Variants in BBS9 observed in about 807,000 individuals in gnomAD.
BBS9 encodes protein PTHB1.
In BBS9, 89 loss-of-function variants were observed where a neutral mutation model predicts 117.7. The ratio of observed to expected loss-of-function variants is 0.76; its 90% CI spans 0.64 to 0.90. The LOEUF (loss-of-function observed/expected upper bound fraction) is 0.90, where lower values mean the gene tolerates loss of function less well. Ranked by LOEUF, BBS9 falls within the 40% of genes least tolerant of loss-of-function variation. The pLI, the probability that BBS9 is intolerant of heterozygous loss-of-function variation, is 0.00. For synonymous variants in BBS9, 379 were observed against 370.9 expected (o/e 1.02, Z -0.25); for missense variants, 982 against 1,042.2 (o/e 0.94, Z 0.80).
chr7:33,450,877 G>GTTTTTTT (rs1231078990), intron 19 of BBS9, among the ~76,000 whole-genome samples: 4 of 126,788 alleles, frequency 3.2e-5, no homozygotes, highest in Non-Finnish European at 5.0e-5. Flanking sequence ...TTTTTTTTTT[G>GTTTTTTT]TTTTTTTGTT....
intron 15 of BBS9, 70 bp from the exon 16 acceptor site, chr7:33,357,785 A>G (rs765175256): frequency 3.0e-5 from 44 of 1,486,894 alleles, no homozygotes; most frequent in African/African-American, 4.2e-5. Flanking sequence ...TCAAACTATT[A>G]GTAGTACAAT....
chr7:33,447,051 G>A (rs1360062794), intron 19 of BBS9, among the ~76,000 whole-genome samples: 1 of 152,176 alleles, frequency 6.6e-6, no homozygotes, highest in Non-Finnish European at 1.5e-5. Flanking sequence ...ATTATTGAAG[G>A]ATCAGGCCTT....
At chr7:33,562,180 A>T (rs905482056) in intron 21 of BBS9, among the ~76,000 whole-genome samples, 1 of 152,220 alleles carries the variant, frequency 6.6e-6, no homozygotes, top group Non-Finnish European at 1.5e-5. Flanking sequence ...TCAAAGAAAG[A>T]CTAGTTGACC....
At chr7:33,362,985 T>C (rs1403309164) in intron 16 of BBS9, among the ~76,000 whole-genome samples, 4 of 152,186 alleles carry the variant, frequency 2.6e-5, no homozygotes, top group African/African-American at 7.2e-5. Flanking sequence ...GGGTTGGTAG[T>C]TTTTCATGTA....
chr7:33,259,954 CCTT>C (rs1272066427), intron 6 of BBS9, among the ~76,000 whole-genome samples: 1 of 150,826 alleles, frequency 6.6e-6, no homozygotes, highest in African/African-American at 2.4e-5. Context: ...TAAAACACCT[CCTT>C]AAGCCAGAAT....
chr7:33,344,524 C>A (rs375838895), intron 11 of BBS9, 57 bp from the exon 12 acceptor site: 126 of 1,449,832 alleles, frequency 8.7e-5, no homozygotes, highest in Non-Finnish European at 1.1e-4. Flanking sequence ...TGTGTTCACT[C>A]ACTGCTGTGT....
intron 4 of BBS9, among the ~76,000 whole-genome samples, chr7:33,171,251 C>T (rs1583454113): frequency 1.3e-5 from 2 of 152,060 alleles, no homozygotes; most frequent in Non-Finnish European, 2.9e-5. Flanking sequence ...GGTACCAAAA[C>T]AGAGATATAG....
chr7:33,237,481 T>A (rs1793728002), intron 5 of BBS9, among the ~76,000 whole-genome samples: 1 of 152,224 alleles, frequency 6.6e-6, no homozygotes, highest in African/African-American at 2.4e-5. Context: ...TGGGTGTGTA[T>A]CCTCTTGATC....
intron 19 of BBS9, among the ~76,000 whole-genome samples, chr7:33,425,995 T>G (rs1347387237): frequency 2.0e-5 from 3 of 152,218 alleles, no homozygotes; most frequent in Non-Finnish European, 4.4e-5. Flanking sequence ...TGACTTTAGG[T>G]AACATTTATC....
intron 9 of BBS9, among the ~76,000 whole-genome samples, chr7:33,331,101 A>T (rs946628909): frequency 6.6e-6 from 1 of 152,242 alleles, no homozygotes; most frequent in Non-Finnish European, 1.5e-5. Flanking sequence ...CCAGGGATGC[A>T]GGGATGATTT....
intron 21 of BBS9, among the ~76,000 whole-genome samples, chr7:33,566,758 TAA>T (rs1027936133): frequency 1.3e-5 from 2 of 152,156 alleles, no homozygotes; most frequent in Non-Finnish European, 2.9e-5. Flanking sequence ...GTTATTAATA[TAA>T]AGACAAAACT....
At chr7:33,351,405 C>T (rs763555721) in intron 14 of BBS9, 82 bp downstream of exon 14, 5 of 901,452 alleles carry the variant, frequency 5.5e-6, no homozygotes, top group Non-Finnish European at 1.9e-6. Context: ...AGAAAACATA[C>T]TGTGAAATAT....
At chr7:33,160,090 G>T (rs1794628169) in intron 4 of BBS9, among the ~76,000 whole-genome samples, 1 of 152,174 alleles carries the variant, frequency 6.6e-6, no homozygotes, top group Non-Finnish European at 1.5e-5. Context: ...GTAATCTAGA[G>T]CAGTTCTATT....
At chr7:33,476,606 G>T (rs1841836820) in intron 19 of BBS9, among the ~76,000 whole-genome samples, 1 of 152,072 alleles carries the variant, frequency 6.6e-6, no homozygotes, top group African/African-American at 2.4e-5. Flanking sequence ...GGTGGTATTG[G>T]CTTCCTGCTG....
At chr7:33,520,372 A>G (rs1848431519) in intron 20 of BBS9, among the ~76,000 whole-genome samples, 1 of 152,040 alleles carries the variant, frequency 6.6e-6, no homozygotes, top group Non-Finnish European at 1.5e-5. Context: ...ATTCAAGTGA[A>G]CCCGCACAGA....
intron 5 of BBS9, among the ~76,000 whole-genome samples, chr7:33,227,026 A>G (rs1026333280): frequency 3.3e-5 from 5 of 152,206 alleles, no homozygotes; most frequent in African/African-American, 1.2e-4. Context: ...ACATTCTAAA[A>G]TGGTTAAAAT....
At chr7:33,344,886 A>C (rs1362700802) in intron 12 of BBS9, among the ~76,000 whole-genome samples, 1 of 152,252 alleles carries the variant, frequency 6.6e-6, no homozygotes, top group East Asian at 1.9e-4. Context: ...ACCATTATTT[A>C]AATGTGTAGC....
At chr7:33,299,324 A>G (rs1356247362) in intron 9 of BBS9, among the ~76,000 whole-genome samples, 1 of 151,988 alleles carries the variant, frequency 6.6e-6, no homozygotes, top group Non-Finnish European at 1.5e-5. Context: ...TATATATTCA[A>G]TTTCTATGTA....
chr7:33,387,479 T>C (rs1040100713), intron 18 of BBS9, among the ~76,000 whole-genome samples: 5 of 152,144 alleles, frequency 3.3e-5, no homozygotes, highest in African/African-American at 1.2e-4. Context: ...TATAATTTTT[T>C]AAAATCATGT....
Sources: allele counts gnomAD v4.1 joint callset (sites outside exome capture counted in the v4.1 genomes callset), GRCh38; gene constraint gnomAD v4.1.1; transcripts MANE v1.5; gene names NCBI Gene and HGNC (gene_info 2026-07-23, HGNC 2026-07-21).